Variants in GRIK2 observed in about 807,000 individuals in gnomAD.
GRIK2 encodes the protein glutamate ionotropic receptor kainate type subunit 2, also known as glutamate receptor ionotropic, kainate 2.
Under a neutral mutation model 100.3 loss-of-function variants are expected in GRIK2, and 32 were observed. That is an observed-to-expected ratio of 0.32 (90% CI 0.24 to 0.43). GRIK2 has a LOEUF of 0.43. GRIK2 is among the 20% of genes least tolerant of loss of function. GRIK2 has a pLI of 1.00. For synonymous variants in GRIK2, 417 were observed against 389.4 expected (o/e 1.07, Z -0.83); for missense variants, 843 against 1,114.9 (o/e 0.76, Z 3.47).
At chr6:101,663,856 C>T (rs1769816588) in intron 4 of GRIK2, among the ~76,000 whole-genome samples, 1 of 152,174 alleles carries the variant, frequency 6.6e-6, no homozygotes. Flanking sequence ...CCACTGATGC[C>T]ATTCGGTAGG....
At chr6:101,405,800 TTCTTGCCA>T (rs1262102193) in intron 2 of GRIK2, among the ~76,000 whole-genome samples, 3 of 152,148 alleles carry the variant, frequency 2.0e-5, no homozygotes, top group Non-Finnish European at 4.4e-5. Flanking sequence ...CTCCACCTGT[TTCTTGCCA>T]TGTGGCATTG....
intron 11 of GRIK2, among the ~76,000 whole-genome samples, chr6:101,864,372 C>G (rs1351217343): frequency 1.3e-5 from 2 of 152,130 alleles, no homozygotes; most frequent in Non-Finnish European, 2.9e-5. Flanking sequence ...CCTCATGCTT[C>G]AGTGTATGAA....
At chr6:101,634,955 A>T (rs992851652) in intron 4 of GRIK2, among the ~76,000 whole-genome samples, 28 of 152,086 alleles carry the variant, frequency 1.8e-4, no homozygotes, top group Non-Finnish European at 3.8e-4. Context: ...TTAATAGTGA[A>T]AACTCATTTT....
At chr6:101,835,134 G>T (rs1782984109) in intron 10 of GRIK2, among the ~76,000 whole-genome samples, 1 of 151,938 alleles carries the variant, frequency 6.6e-6, no homozygotes, top group South Asian at 2.1e-4. Context: ...TTCATTTATT[G>T]CCTGGTGAAG....
chr6:101,464,154 A>G (rs1443439891), intron 2 of GRIK2, among the ~76,000 whole-genome samples: 1 of 152,226 alleles, frequency 6.6e-6, no homozygotes, highest in East Asian at 1.9e-4. Flanking sequence ...ACCAAAGAGC[A>G]CATGTGGAAC....
chr6:101,719,968 G>A (rs1016064479), intron 7 of GRIK2, among the ~76,000 whole-genome samples: 5 of 151,704 alleles, frequency 3.3e-5, no homozygotes, highest in Non-Finnish European at 7.4e-5. Context: ...AAAGAGAAAA[G>A]GAGAGAAAAA....
chr6:101,790,230 C>T (rs1259177437), intron 7 of GRIK2, among the ~76,000 whole-genome samples: 2 of 151,630 alleles, frequency 1.3e-5, no homozygotes, highest in Non-Finnish European at 2.9e-5. Context: ...CTGGCCAGAC[C>T]TTCCAACACT....
chr6:101,398,765 C>T, intron 1 of GRIK2: 1 of 362,410 alleles, frequency 2.8e-6, no homozygotes, highest in Non-Finnish European at 4.9e-6. Flanking sequence ...TATTGGGGAG[C>T]TCACTGGCCG....
chr6:101,957,031 A>G (rs1791981415), intron 14 of GRIK2, among the ~76,000 whole-genome samples: 1 of 151,860 alleles, frequency 6.6e-6, no homozygotes, highest in Non-Finnish European at 1.5e-5. Flanking sequence ...CTGTTGGATT[A>G]AATAACTGTT....
rs181244067 is a variant in GRIK2, at chr6:101,836,335, G to A, written c.1317+17852G>A. On this transcript the variant is annotated intron_variant, in intron 10 of 16. Coordinates refer to ENST00000369134, the MANE Select transcript of GRIK2 (RefSeq NM_021956.5). ...TTGTGCCGTCCAATACGGTAGCTTCGTCACATATGACTATTAAACACTTGA... is the reference window on the plus strand; with the variant it reads ...TTGTGCCGTCCAATACGGTAGCTTCATCACATATGACTATTAAACACTTGA... Among the ~76,000 whole-genome samples, 21 of 152,026 alleles carry A rather than the reference G, an allele frequency of 1.4e-4. No individual in the cohort carries two copies. In the South Asian group the frequency reaches 1.7e-3, roughly 12 times the overall value.
chr6:101,462,000 G>A (rs543142684), intron 2 of GRIK2, among the ~76,000 whole-genome samples: 2 of 152,236 alleles, frequency 1.3e-5, no homozygotes, highest in East Asian at 3.9e-4. Flanking sequence ...TTCAATCTCA[G>A]TTCTGATTTA....
At chr6:101,531,619 C>T (rs1184545054) in intron 2 of GRIK2, among the ~76,000 whole-genome samples, 1 of 151,808 alleles carries the variant, frequency 6.6e-6, no homozygotes, top group Non-Finnish European at 1.5e-5. Context: ...AAAGGGCAGT[C>T]TCTTTTTTGT....
intron 14 of GRIK2, among the ~76,000 whole-genome samples, chr6:101,945,237 G>A (rs1791201232): frequency 6.6e-6 from 1 of 152,046 alleles, no homozygotes; most frequent in African/African-American, 2.4e-5. Context: ...AAAATTTAGT[G>A]TCTGAATTGA....
chr6:101,676,062 AT>A (rs1348481516), intron 4 of GRIK2, among the ~76,000 whole-genome samples: 1 of 152,182 alleles, frequency 6.6e-6, no homozygotes, highest in African/African-American at 2.4e-5. Context: ...TAGAATAATA[AT>A]CACTGACTTA....
intron 14 of GRIK2, among the ~76,000 whole-genome samples, chr6:101,930,379 C>A (rs1006518123): frequency 6.6e-6 from 1 of 151,496 alleles, no homozygotes; most frequent in Non-Finnish European, 1.5e-5. Flanking sequence ...ATAAATAAGT[C>A]GCTGAAATTG....
intron 7 of GRIK2, among the ~76,000 whole-genome samples, chr6:101,709,672 T>C (rs1167261852): frequency 6.6e-6 from 1 of 151,846 alleles, no homozygotes; most frequent in Non-Finnish European, 1.5e-5. Context: ...AGGAAAAGAA[T>C]CTTCCATTAA....
chr6:101,909,396 T>TTTTTTTA (rs1788497593), intron 12 of GRIK2, among the ~76,000 whole-genome samples: 5 of 146,770 alleles, frequency 3.4e-5, no homozygotes, highest in South Asian at 2.1e-4. Flanking sequence ...TTTTTTTTTT[T>TTTTTTTA]AAAGATCATT....
intron 2 of GRIK2, among the ~76,000 whole-genome samples, chr6:101,537,449 TGTGTGC>T (rs778065977): frequency 0.018 from 2,016 of 112,400 alleles, 46 homozygotes; most frequent in African/African-American, 0.075. Context: ...TGTTTGTGTG[TGTGTGC>T]GTGTGTGTGT....
intron 7 of GRIK2, among the ~76,000 whole-genome samples, chr6:101,712,788 T>G (rs1365013320): frequency 6.6e-6 from 1 of 151,826 alleles, no homozygotes; most frequent in East Asian, 1.9e-4. Context: ...GAATACTGTT[T>G]AGATCTTATT....
Sources: allele counts gnomAD v4.1 joint callset (sites outside exome capture counted in the v4.1 genomes callset), GRCh38; gene constraint gnomAD v4.1.1; transcripts MANE v1.5; gene names NCBI Gene and HGNC (gene_info 2026-07-23, HGNC 2026-07-21).